ZFTRAF1: variants seen among roughly 807,000 people sequenced by gnomAD.
ZFTRAF1 encodes zinc finger TRAF-type and ring finger containing 1.
chr8:144,451,058 T>G, the ZFTRAF1 span: 1 of 375,508 alleles, frequency 2.7e-6, no homozygotes, highest in Non-Finnish European at 4.9e-6. Flanking sequence ...CACGCTGGCC[T>G]CCCTCACCGC....
At chr8:144,459,905 C>T in the ZFTRAF1 span, among the ~76,000 whole-genome samples, 2 of 152,226 alleles carry the variant, frequency 1.3e-5, no homozygotes, top group African/African-American at 4.8e-5. Flanking sequence ...TGGCTCGAGA[C>T]AGCCAATCAA....
the ZFTRAF1 span, chr8:144,462,584 A>C: frequency 4.0e-5 from 5 of 124,270 alleles, no homozygotes; most frequent in South Asian, 4.8e-4. Flanking sequence ...CCCGACCCCG[A>C]CCCCGGCCGG....
At chr8:144,461,519 G>GGGA in the ZFTRAF1 span, among the ~76,000 whole-genome samples, 1 of 151,248 alleles carries the variant, frequency 6.6e-6, no homozygotes, top group South Asian at 2.1e-4. Flanking sequence ...GTGAAGATGG[G>GGGA]GGAGGAGGGG....
chr8:144,460,797 T>C, the ZFTRAF1 span, among the ~76,000 whole-genome samples: 4 of 152,190 alleles, frequency 2.6e-5, no homozygotes, highest in East Asian at 7.7e-4. Context: ...GTAGGGAGAA[T>C]TGCTTGAACT....
At chr8:144,458,286 G>A in the ZFTRAF1 span, among the ~76,000 whole-genome samples, 1 of 152,220 alleles carries the variant, frequency 6.6e-6, no homozygotes, top group Non-Finnish European at 1.5e-5. Flanking sequence ...GAACAAGGCT[G>A]CTTAGATCTA....
the ZFTRAF1 span, chr8:144,453,185 C>A: frequency 1.2e-5 from 19 of 1,534,634 alleles, no homozygotes; most frequent in Admixed American, 1.2e-4. Flanking sequence ...CAGTCCTGGG[C>A]CCCGCCTGTA....
the ZFTRAF1 span, chr8:144,462,360 C>T: frequency 2.1e-6 from 1 of 486,366 alleles, no homozygotes. Flanking sequence ...TCCAGTTTCC[C>T]GCTGCCGGCC....
At chr8:144,460,581 G>C in the ZFTRAF1 span, among the ~76,000 whole-genome samples, 28 of 152,296 alleles carry the variant, frequency 1.8e-4, no homozygotes, top group African/African-American at 6.3e-4. Context: ...AGTCTCCCTC[G>C]AGATCCAAGA....
chr8:144,459,603 C>T, the ZFTRAF1 span, among the ~76,000 whole-genome samples: 2 of 152,332 alleles, frequency 1.3e-5, no homozygotes, highest in Middle Eastern at 3.4e-3. Context: ...GGGCACCACC[C>T]GAGGCTTCCC....
At chr8:144,458,677 C>G in the ZFTRAF1 span, among the ~76,000 whole-genome samples, 2 of 152,210 alleles carry the variant, frequency 1.3e-5, no homozygotes, top group Non-Finnish European at 2.9e-5. Flanking sequence ...ACGGCACACA[C>G]CAACCCACCC....
chr8:144,450,257 G>C, the ZFTRAF1 span: 10 of 619,732 alleles, frequency 1.6e-5, no homozygotes, highest in Admixed American at 1.0e-4. Flanking sequence ...TGTTGGCTTC[G>C]TTTGTTCTCC....
At chr8:144,454,978 A>C in the ZFTRAF1 span, 2 of 152,292 alleles carry the variant, frequency 1.3e-5, no homozygotes, top group East Asian at 1.9e-4. Context: ...ATCCACATGA[A>C]CACCACCCGT....
At chr8:144,458,072 T>C in the ZFTRAF1 span, 140,851 of 152,390 alleles carry the variant, frequency 0.92, 65,812 homozygotes, top group Non-Finnish European at 1. Flanking sequence ...GCACACCCCA[T>C]GCACCCCGCG....
the ZFTRAF1 span, chr8:144,450,159 T>TGG: frequency 1.8e-6 from 1 of 542,502 alleles, no homozygotes; most frequent in Non-Finnish European, 3.3e-6. Flanking sequence ...GCCCAGCCTC[T>TGG]GGCGGCCCTC....
chr8:144,460,520 G>T, the ZFTRAF1 span, among the ~76,000 whole-genome samples: 2 of 152,254 alleles, frequency 1.3e-5, no homozygotes, highest in African/African-American at 4.8e-5. Context: ...GGGGAGACAA[G>T]GAGACTTCCC....
At chr8:144,451,883 G>A in the ZFTRAF1 span, 5 of 233,108 alleles carry the variant, frequency 2.1e-5, no homozygotes, top group Non-Finnish European at 4.4e-5. Flanking sequence ...TCCCTGAATG[G>A]CTTCGTGCCA....
chr8:144,459,927 A>C, the ZFTRAF1 span, among the ~76,000 whole-genome samples: 4 of 152,258 alleles, frequency 2.6e-5, no homozygotes, highest in Non-Finnish European at 4.4e-5. Context: ...GTGGTCACCA[A>C]GGAAAGCTAG....
chr8:144,453,148 C>T, the ZFTRAF1 span: 2 of 1,343,984 alleles, frequency 1.5e-6, no homozygotes, highest in South Asian at 1.3e-5. Flanking sequence ...CTGCACAGGG[C>T]CCTGCTGCAC....
the ZFTRAF1 span, chr8:144,450,169 C>G: frequency 3.6e-6 from 2 of 553,114 alleles, no homozygotes; most frequent in African/African-American, 3.8e-5. Context: ...TGGCGGCCCT[C>G]GGAAGGAGGG....
Sources: allele counts gnomAD v4.1 joint callset (sites outside exome capture counted in the v4.1 genomes callset), GRCh38; gene constraint gnomAD v4.1.1; transcripts MANE v1.5; gene names NCBI Gene and HGNC (gene_info 2026-07-23, HGNC 2026-07-21).